WDR25: variants seen among roughly 807,000 people sequenced by gnomAD.
The protein encoded by WDR25 is WD repeat-containing protein 25.
A neutral mutation model predicts 47.7 loss-of-function variants in WDR25; 35 were observed. That is an observed-to-expected ratio of 0.73 (90% CI 0.56 to 0.97). The LOEUF (loss-of-function observed/expected upper bound fraction) is 0.97, where lower values mean the gene tolerates loss of function less well. Ranked by LOEUF, WDR25 falls within the 50% of genes least tolerant of loss-of-function variation. The probability of loss-of-function intolerance (pLI) is 0.00; values close to 1 mark genes in which losing one functional copy is unlikely to be tolerated. For synonymous variants in WDR25, 248 were observed against 278.9 expected (o/e 0.89, Z 1.10); for missense variants, 634 against 704.7 (o/e 0.90, Z 1.14).
intron 2 of WDR25, among the ~76,000 whole-genome samples, chr14:100,413,270 A>G (rs1205064686): frequency 6.6e-6 from 1 of 152,248 alleles, no homozygotes; most frequent in African/African-American, 2.4e-5. Context: ...ATCAAGGCAC[A>G]GAACCTTTCC....
chr14:100,452,415 AAAGCTTTG>A (rs1380495856), intron 2 of WDR25, among the ~76,000 whole-genome samples: 4 of 152,386 alleles, frequency 2.6e-5, no homozygotes, highest in African/African-American at 9.6e-5. Flanking sequence ...GAAGTAACAT[AAAGCTTTG>A]AAGAAAAGTA....
chr14:100,440,406 T>C lies in WDR25; in HGVS notation c.823-27615T>C, dbSNP rs1898633916. On this transcript the variant is annotated intron_variant, in intron 2 of 6. Coordinates refer to ENST00000402312, the MANE Select transcript of WDR25 (RefSeq NM_001161476.3). The surrounding 1 kb of genome is among the most constrained non-coding windows in gnomAD (Gnocchi z 4.4). ...CCTGGCTTTGAGTCCCGTGGAGGCA[T>C]GCCACTTAGTCTGTTCTGAGCGGCT... 6.6e-6 allele frequency among the ~76,000 whole-genome samples: 1 copy of C among 152,228 alleles called. No homozygotes were observed. Among genetic ancestry groups the C allele is most frequent in the African/African-American group, 2.4e-5 (1 of 41,458 alleles).
chr14:100,506,528 C>A lies in WDR25; in HGVS notation c.1102-19342C>A, dbSNP rs1245677954. Among the ~76,000 whole-genome samples, 2 of 152,198 alleles carry A rather than the reference C, an allele frequency of 1.3e-5. No individual in the cohort carries two copies. Among genetic ancestry groups the A allele is most frequent in the Non-Finnish European group, 2.9e-5 (2 of 68,034 alleles). Reference sequence around the variant, plus strand: ...TGGCTGAAATAACTTACATTCCCACCAACAGAGTATAAGTGTTCTTTTTTC... The same window carrying A: ...TGGCTGAAATAACTTACATTCCCACAAACAGAGTATAAGTGTTCTTTTTTC... On this transcript the variant is annotated intron_variant, in intron 4 of 6. Transcript: ENST00000402312. This position sits in a 1 kb window ranked among gnomAD's most constrained non-coding sequence, Gnocchi z 4.8.
chr14:100,472,059 T>G (rs1899856867), intron 3 of WDR25, among the ~76,000 whole-genome samples: 1 of 152,172 alleles, frequency 6.6e-6, no homozygotes, highest in African/African-American at 2.4e-5. Context: ...CTCCCTCAGT[T>G]CTAAGCGGTC....
At chr14:100,420,559 T>C (rs1007458232) in intron 2 of WDR25, among the ~76,000 whole-genome samples, 4 of 152,224 alleles carry the variant, frequency 2.6e-5, no homozygotes, top group Non-Finnish European at 4.4e-5. Context: ...TTCTGTGCAG[T>C]TAGTTTCTTA....
rs560900100 is a variant in WDR25 at position 100,417,401 on chromosome 14, C to T, written c.822+35655C>T. ...GTATCTCAGATCCAAGGTGGTCAGG[C>T]GAGGGTGCAGGGAGATGGAGCCATG... On this transcript the variant is annotated intron_variant, in intron 2 of 6. Transcript: ENST00000402312. 1.2e-3 allele frequency among the ~76,000 whole-genome samples: 181 copies of T among 152,314 alleles called. 1 individual carries two copies. Among genetic ancestry groups the T allele is most frequent in the Non-Finnish European group, 1.5e-3 (102 of 68,014 alleles).
At position 100,393,572 on chromosome 14, in the gene WDR25, G is replaced by T. The variant is rs186046427; in HGVS notation, c.822+11826G>T. ...GAGGTGTATTCGGGTTTGCTCCCAG[G>T]GCAGAAGTAGGACAGATGGTGGAAG... On this transcript the variant is annotated intron_variant, in intron 2 of 6. Coordinates refer to ENST00000402312, the MANE Select transcript of WDR25 (RefSeq NM_001161476.3). Among the ~76,000 whole-genome samples, 17 of 152,310 alleles carry T rather than the reference G, an allele frequency of 1.1e-4. No homozygotes were observed. In the East Asian group the frequency reaches 3.3e-3, roughly 29 times the overall value.
In WDR25 at chr14:100,525,375, A is replaced by G. The variant is rs1216271470; in HGVS notation, c.1102-495A>G. Among the ~76,000 whole-genome samples the G allele has an allele frequency of 1.5e-4, 23 of 152,228 alleles. No individual in the cohort carries two copies. The highest frequency in any genetic ancestry group is 7.3e-5 in the Non-Finnish European group (5 of 68,040). The stretch of plus-strand genomic sequence containing the variant: ...TACAAAGTGTCGTTAAAGCTAAAAT[A>G]TGTCCTGTGATTCTGGCTTTATGGT... On this transcript the variant is annotated intron_variant, in intron 4 of 6. Transcript: ENST00000402312. This position sits in a 1 kb window ranked among gnomAD's most constrained non-coding sequence, Gnocchi z 4.6.
chr14:100,509,120 T>A (rs1435819068), intron 4 of WDR25, among the ~76,000 whole-genome samples: 2 of 152,324 alleles, frequency 1.3e-5, no homozygotes, highest in East Asian at 3.9e-4. Flanking sequence ...TCTCTACTTA[T>A]GTTTTTGAAT....
In WDR25 at chr14:100,381,818, A is replaced by T; in HGVS notation, c.822+72A>T. 2.3e-6 allele frequency: 3 copies of T among 1,309,972 alleles called. No individual in the cohort carries two copies. The African/African-American group carries it at 4.5e-5, about 20-fold the overall frequency. The allele number at this position is 1,309,972 out of a possible 1,614,324, so 81.1% of individuals were successfully genotyped here. A position where few individuals can be genotyped will look rare whatever the true frequency, so the allele number is the denominator to read the frequency against. On this transcript the variant is annotated intron_variant, in intron 2 of 6. Transcript: ENST00000402312. ...CACTGCTGGAATAATAGTGAAGTGG[A>T]GGGAGGTTACAGGCTGAACTTTTTT...
At chr14:100,412,081 C>T (rs1227596422) in intron 2 of WDR25, among the ~76,000 whole-genome samples, 1 of 151,924 alleles carries the variant, frequency 6.6e-6, no homozygotes, top group Non-Finnish European at 1.5e-5. Context: ...GTTGTGGGCT[C>T]CTGTAGTCTC....
chr14:100,447,482 G>A (rs1020689400), intron 2 of WDR25, among the ~76,000 whole-genome samples: 9 of 152,162 alleles, frequency 5.9e-5, no homozygotes, highest in Non-Finnish European at 1.2e-4. Flanking sequence ...GCTCTCTTCC[G>A]GTCTCTGGCT....
intron 4 of WDR25, among the ~76,000 whole-genome samples, chr14:100,501,981 G>A (rs959682031): frequency 3.3e-5 from 5 of 152,178 alleles, no homozygotes; most frequent in Non-Finnish European, 4.4e-5. Flanking sequence ...GGAGCCCCAG[G>A]GAGCCCTCCT....
In WDR25 at chr14:100,499,025, C is replaced by T. The variant is rs551919491; in HGVS notation, c.1101+14901C>T. Among the ~76,000 whole-genome samples the T allele has an allele frequency of 2.4e-4, 37 of 152,068 alleles. No individual in the cohort carries two copies. Among genetic ancestry groups the T allele is most frequent in the Non-Finnish European group, 4.9e-4 (33 of 68,012 alleles). ...GGAGACCTGGAGACCCAAGTGCTGCCCATGACTTCAGAATGGAGGGTGAGG... is the reference window on the plus strand; with the variant it reads ...GGAGACCTGGAGACCCAAGTGCTGCTCATGACTTCAGAATGGAGGGTGAGG... On this transcript the variant is annotated intron_variant, in intron 4 of 6. Coordinates refer to ENST00000402312, the MANE Select transcript of WDR25 (RefSeq NM_001161476.3). This position sits in a 1 kb window ranked among gnomAD's most constrained non-coding sequence, Gnocchi z 4.4.
At chr14:100,383,416 T>A (rs771436239) in intron 2 of WDR25, among the ~76,000 whole-genome samples, 28 of 152,226 alleles carry the variant, frequency 1.8e-4, no homozygotes, top group Non-Finnish European at 3.4e-4. Flanking sequence ...GGGAAGCCCA[T>A]CTGGAGGGTT....
chr14:100,520,192 T>A (rs1309518086), intron 4 of WDR25, among the ~76,000 whole-genome samples: 1 of 151,482 alleles, frequency 6.6e-6, no homozygotes, highest in African/African-American at 2.4e-5. Context: ...TTGCTGATTG[T>A]TTCCACACTC....
In WDR25 at chr14:100,392,764, G is replaced by A. The variant is rs1365802782; in HGVS notation, c.822+11018G>A. On this transcript the variant is annotated intron_variant, in intron 2 of 6. Coordinates refer to ENST00000402312, the MANE Select transcript of WDR25 (RefSeq NM_001161476.3). The surrounding 1 kb of genome is among the most constrained non-coding windows in gnomAD (Gnocchi z 4.2). ...TTGATTAACTGTAATTTACTTAGCC[G>A]CCCTTGGACACTTAGGTGGTTTCTA... Among the ~76,000 whole-genome samples, 10 of 152,226 alleles carry A rather than the reference G, an allele frequency of 6.6e-5. No homozygotes were observed. The highest frequency in any genetic ancestry group is 5.8e-4 in the East Asian group (3 of 5,182).
At chr14:100,489,647 A>T (rs1900497994) in intron 4 of WDR25, among the ~76,000 whole-genome samples, 1 of 152,194 alleles carries the variant, frequency 6.6e-6, no homozygotes, top group African/African-American at 2.4e-5. Flanking sequence ...AATCTAGGAC[A>T]TGTGGCTCCT....
At chr14:100,400,153 A>G (rs919973982) in intron 2 of WDR25, among the ~76,000 whole-genome samples, 6 of 152,212 alleles carry the variant, frequency 3.9e-5, no homozygotes, top group African/African-American at 1.4e-4. Flanking sequence ...TGAAAAGCAC[A>G]TTTCCTCCTC....
Sources: gnomAD v4.1 joint callset for allele counts (sites outside exome capture counted in the v4.1 genomes callset) on GRCh38, gnomAD v4.1.1 for gene constraint, Gnocchi (gnomAD v3.1) non-coding constraint, MANE v1.5 for transcripts, NCBI Gene and HGNC (gene_info 2026-07-23, HGNC 2026-07-21) for gene names.